NAA35: variants seen among roughly 807,000 people sequenced by gnomAD.
NAA35 encodes N-alpha-acetyltransferase 35, NatC auxiliary subunit.
Under a neutral mutation model 101.7 loss-of-function variants are expected in NAA35, and 18 were observed. The ratio of observed to expected loss-of-function variants is 0.18; its 90% confidence interval spans 0.12 to 0.26. The LOEUF is 0.26. Ranked by LOEUF, NAA35 falls within the 10% of genes least tolerant of loss-of-function variation. NAA35 has a pLI of 1.00. For missense variants in NAA35, 601 were observed against 886.8 expected (o/e 0.68, Z 4.09); for synonymous variants, 267 against 273.1 (o/e 0.98, Z 0.22).
chr9:85,971,781 T>C lies in NAA35; in HGVS notation c.517-3186T>C, dbSNP rs1830010010. On this transcript the variant is annotated intron_variant, in intron 6 of 22. Coordinates refer to ENST00000361671, the MANE Select transcript of NAA35 (RefSeq NM_024635.4). Reference sequence around the variant, plus strand: ...GCTTGATTGTATAGTTTACCTCATATCCACATTCAGTTCATCAGCATATCA... The same window carrying C: ...GCTTGATTGTATAGTTTACCTCATACCCACATTCAGTTCATCAGCATATCA... Among the ~76,000 whole-genome samples the C allele has an allele frequency of 3.3e-5, 5 of 152,114 alleles. No individual in the cohort carries two copies. The South Asian group carries it at 8.3e-4, about 25-fold the overall frequency.
chr9:85,992,765 A>G (rs1830971717), intron 11 of NAA35, among the ~76,000 whole-genome samples: 1 of 152,220 alleles, frequency 6.6e-6, no homozygotes, highest in South Asian at 2.1e-4. Flanking sequence ...ATGGTTATGA[A>G]GAAGTTTGTG....
intron 19 of NAA35, 91 bp downstream of exon 19, chr9:86,017,656 T>C (rs1832293610): frequency 6.6e-6 from 7 of 1,053,494 alleles, no homozygotes; most frequent in Non-Finnish European, 9.7e-6. Flanking sequence ...TCTTTCCATA[T>C]TATAATTTCA....
chr9:86,017,430 CT>C lies in NAA35; in HGVS notation c.1706-64del, dbSNP rs1377857662. ...GAAAGATTTTTTAAAATTAGATTTT[CT>C]TTTGCAGTAATGCAAGAGGGAGGAG... On this transcript the variant is annotated intron_variant, in intron 18 of 22. Coordinates refer to ENST00000361671, the MANE Select transcript of NAA35 (RefSeq NM_024635.4). 9.9e-5 allele frequency: 139 copies of C among 1,407,420 alleles called. 1 individual carries two copies. Among genetic ancestry groups the C allele is most frequent in the Non-Finnish European group, 1.4e-4 (137 of 1,011,096 alleles). The allele number at this position is 1,407,420 out of a possible 1,614,324, so 87.2% of individuals were successfully genotyped here. A position where few individuals can be genotyped will look rare whatever the true frequency, so the allele number is the denominator to read the frequency against.
At chr9:85,947,022 G>C (rs1828798905) in intron 2 of NAA35, among the ~76,000 whole-genome samples, 1 of 152,098 alleles carries the variant, frequency 6.6e-6, no homozygotes, top group African/African-American at 2.4e-5. Context: ...TTTGTTTTAA[G>C]AATGAATGAA....
In NAA35 at chr9:86,022,033, G is replaced by A; in HGVS notation, c.*73G>A. The A allele has an allele frequency of 1.8e-6, 2 of 1,132,602 alleles. No homozygotes were observed. Among genetic ancestry groups the A allele is most frequent in the Non-Finnish European group, 2.6e-6 (2 of 764,712 alleles). 70.2% of individuals were successfully genotyped at this position (1,132,602 alleles called of 1,614,324 possible). On this transcript the variant is annotated 3_prime_UTR_variant, in exon 23 of 23. Coordinates refer to ENST00000361671, the MANE Select transcript of NAA35 (RefSeq NM_024635.4). ...CCAACTCTTAGAGGGCACATCACCAGGCTCCACATCACGGGAAGTGAGATG... is the reference window on the plus strand; with the variant it reads ...CCAACTCTTAGAGGGCACATCACCAAGCTCCACATCACGGGAAGTGAGATG...
Position 85,996,546 on chromosome 9 carries a change from T to C in NAA35, c.1025T>C (p.Val342Ala), listed in dbSNP as rs765375299. 6.3e-7 allele frequency: 1 copy of C among 1,586,258 alleles called. No individual in the cohort carries two copies. Among genetic ancestry groups the C allele is most frequent in the South Asian group, 1.2e-5 (1 of 85,354 alleles). ...GATAGAATAAAAACTGTCTGTGAGGTTGTGAATTTAACAAATTTACATTGT... is the reference window on the plus strand; with the variant it reads ...GATAGAATAAAAACTGTCTGTGAGGCTGTGAATTTAACAAATTTACATTGT... ...LIDRIKTVCE[V>A]VNLTNLHCIL... The change falls in exon 12 of 23, where the codon GTT becomes GCT. Residue 342 changes from valine (V) to alanine (A), a missense_variant. Val to Ala is a moderately conservative substitution (Grantham distance 64). Coordinates refer to ENST00000361671, the MANE Select transcript of NAA35 (RefSeq NM_024635.4).
At chr9:85,978,137 C>A in intron 10 of NAA35, 130 bp from the exon 11 acceptor site, 2 of 628,320 alleles carry the variant, frequency 3.2e-6, no homozygotes, top group Admixed American at 2.6e-5. Context: ...GTATTAAGTG[C>A]ATAGTTTATG....
intron 11 of NAA35, chr9:85,986,556 G>GT (rs1830656594): frequency 7.3e-6 from 3 of 409,856 alleles, no homozygotes; most frequent in African/African-American, 4.2e-5. Flanking sequence ...CTCTAAGCTT[G>GT]TTTTTTGCCA....
intron 4 of NAA35, among the ~76,000 whole-genome samples, chr9:85,959,308 G>A (rs1468601777): frequency 1.3e-5 from 2 of 151,104 alleles, no homozygotes; most frequent in Non-Finnish European, 2.9e-5. Context: ...CCCGGGAGGC[G>A]GAGCTTGCAT....
Position 85,945,358 on chromosome 9 carries a change from T to A in NAA35, c.124+3075T>A, listed in dbSNP as rs145809769. 7.4e-3 allele frequency among the ~76,000 whole-genome samples: 1,129 copies of A among 152,332 alleles called. 10 individuals carry two copies. The highest frequency in any genetic ancestry group is 0.025 in the African/African-American group (1,051 of 41,578). The stretch of plus-strand genomic sequence containing the variant: ...TTGGCATTTCTTGAGCCTGTGGTAT[T>A]TATTTTCCCGTCTTGGAATAATCAG... On this transcript the variant is annotated intron_variant, in intron 2 of 22. Coordinates refer to ENST00000361671, the MANE Select transcript of NAA35 (RefSeq NM_024635.4).
At chr9:85,958,112 T>C (rs1009946838) in intron 3 of NAA35, among the ~76,000 whole-genome samples, 7 of 151,962 alleles carry the variant, frequency 4.6e-5, no homozygotes, top group Non-Finnish European at 1.0e-4. Flanking sequence ...CAGCTAATTT[T>C]GTATTTTTAG....
At chr9:85,969,617 A>G (rs1829913142) in intron 6 of NAA35, among the ~76,000 whole-genome samples, 1 of 152,138 alleles carries the variant, frequency 6.6e-6, no homozygotes. Flanking sequence ...CATCTTCTGC[A>G]CATACCTTAA....
chr9:85,949,057 T>C (rs1828889747), intron 2 of NAA35, among the ~76,000 whole-genome samples: 1 of 151,966 alleles, frequency 6.6e-6, no homozygotes, highest in South Asian at 2.1e-4. Flanking sequence ...ATGTCTGACC[T>C]TGATACCTTT....
At chr9:85,955,349 TATATA>T (rs1194257629) in intron 2 of NAA35, among the ~76,000 whole-genome samples, 1,308 of 82,148 alleles carry the variant, frequency 0.016, 68 homozygotes, top group African/African-American at 0.064. Context: ...TATATATATA[TATATA>T]TATATATTTT....
intron 11 of NAA35, among the ~76,000 whole-genome samples, chr9:85,981,216 A>G (rs143446529): frequency 6.6e-6 from 1 of 152,298 alleles, no homozygotes; most frequent in African/African-American, 2.4e-5. Context: ...CATAGGACAT[A>G]AGGAGGTGGT....
At chr9:85,951,914 C>A (rs2118295031) in intron 2 of NAA35, among the ~76,000 whole-genome samples, 1 of 152,246 alleles carries the variant, frequency 6.6e-6, no homozygotes, top group South Asian at 2.1e-4. Context: ...CCTGCCTTGG[C>A]CGCCTCCCAA....
chr9:85,979,195 G>A (rs1039783777), intron 11 of NAA35, among the ~76,000 whole-genome samples: 1 of 152,162 alleles, frequency 6.6e-6, no homozygotes, highest in Non-Finnish European at 1.5e-5. Flanking sequence ...ACGAGAGTAC[G>A]CTAAGCAAAG....
At chr9:86,020,818 G>A in intron 21 of NAA35, 71 bp from the exon 22 acceptor site, 4 of 1,197,228 alleles carry the variant, frequency 3.3e-6, no homozygotes, top group Admixed American at 3.7e-5. Flanking sequence ...TTGACAGCAG[G>A]TCTCAAAAAA....
chr9:85,995,945 A>G (rs1291209285), intron 11 of NAA35, among the ~76,000 whole-genome samples: 1 of 152,164 alleles, frequency 6.6e-6, no homozygotes, highest in Non-Finnish European at 1.5e-5. Context: ...CTGCTCTGCT[A>G]TTCAGGATTA....
Sources: allele counts gnomAD v4.1 joint callset (sites outside exome capture counted in the v4.1 genomes callset), GRCh38; gene constraint gnomAD v4.1.1; transcripts MANE v1.5; gene names NCBI Gene and HGNC (gene_info 2026-07-23, HGNC 2026-07-21).